The following GSG1L variants were observed in gnomAD, a reference collection of about 807,000 sequenced individuals.
GSG1L encodes GSG1 like, also known as germ cell-specific gene 1-like protein.
In GSG1L, 24 loss-of-function variants were observed where a neutral mutation model predicts 42.1. That is an observed-to-expected ratio of 0.57 (90% CI 0.41 to 0.80). The LOEUF is 0.80. Among genes scored for constraint, GSG1L ranks in the 30% least tolerant of loss-of-function variants. The pLI is 0.00. For missense variants in GSG1L, 445 were observed against 472.2 expected, an observed-to-expected ratio of 0.94 and a Z score of 0.53; for synonymous variants, 215 against 203.5, an observed-to-expected ratio of 1.06 and a Z score of -0.48.
At chr16:27,827,711 C>T (rs1442815988) in intron 5 of GSG1L, among the ~76,000 whole-genome samples, 1 of 152,176 alleles carries the variant, frequency 6.6e-6, no homozygotes, top group Non-Finnish European at 1.5e-5. Flanking sequence ...AGGATATCTC[C>T]AGCTTCTAAA....
At chr16:27,918,091 G>A (rs1361949350) in intron 2 of GSG1L, among the ~76,000 whole-genome samples, 3 of 152,104 alleles carry the variant, frequency 2.0e-5, no homozygotes, top group Non-Finnish European at 4.4e-5. Flanking sequence ...CAAATCCACT[G>A]GGCACAGCTC....
chr16:27,892,982 G>A (rs1353156259), intron 2 of GSG1L, among the ~76,000 whole-genome samples: 1 of 152,142 alleles, frequency 6.6e-6, no homozygotes, highest in African/African-American at 2.4e-5. Flanking sequence ...GCTCGCGGAA[G>A]GACAGGAAGT....
intron 2 of GSG1L, among the ~76,000 whole-genome samples, chr16:27,886,577 T>G (rs953493930): frequency 3.3e-5 from 5 of 152,232 alleles, no homozygotes; most frequent in African/African-American, 1.2e-4. Flanking sequence ...ACTATTACAA[T>G]TTTTTTAGAA....
In GSG1L at chr16:27,843,509, A is replaced by T. The variant is rs988138903; in HGVS notation, c.662+1441T>A. Among the ~76,000 whole-genome samples, 1,142 of 150,334 alleles carry T rather than the reference A, an allele frequency of 7.6e-3. 18 individuals are homozygous for T. The highest frequency in any genetic ancestry group is 0.027 in the African/African-American group (1,085 of 40,684). On this transcript the variant is annotated intron_variant, in intron 4 of 6. Transcript: ENST00000447459. ...GTGACAGAGCAGAGACTCTGTAAAA[A>T]AAAAAAAAAAAAAAAAAAAAGGAAG... is the stretch of plus-strand genomic sequence containing the variant.
intron 1 of GSG1L, among the ~76,000 whole-genome samples, chr16:27,972,574 T>C (rs1468944170): frequency 1.3e-5 from 2 of 152,242 alleles, no homozygotes; most frequent in South Asian, 2.1e-4. Context: ...TGTCTCTCAA[T>C]CACACTTCAG....
chr16:28,023,098 G>T (rs1281092878), intron 1 of GSG1L, among the ~76,000 whole-genome samples: 4 of 152,016 alleles, frequency 2.6e-5, no homozygotes, highest in Non-Finnish European at 5.9e-5. Context: ...CAAAATGCGG[G>T]GATTGTATGT....
At chr16:27,851,759 T>G (rs1469891569) in intron 3 of GSG1L, among the ~76,000 whole-genome samples, 3 of 152,218 alleles carry the variant, frequency 2.0e-5, no homozygotes, top group Non-Finnish European at 4.4e-5. Context: ...GAGAGACAAG[T>G]TGGCCTGGTG....
Position 27,947,858 on chromosome 16 carries a change from G to A in GSG1L, c.397+15298C>T, listed in dbSNP as rs191712153. On this transcript the variant is annotated intron_variant, in intron 2 of 6. Transcript: ENST00000447459. ...AATGGAGCAAGTGGGACCGGCTCTCGGAGCCCTTTGCACTCTGACATTCCA... is the reference window on the plus strand; with the variant it reads ...AATGGAGCAAGTGGGACCGGCTCTCAGAGCCCTTTGCACTCTGACATTCCA... Among the ~76,000 whole-genome samples, 63 of 152,170 alleles carry A rather than the reference G, an allele frequency of 4.1e-4. 1 individual carries two copies. The highest frequency in any genetic ancestry group is 2.1e-4 in the South Asian group (1 of 4,812).
At chr16:27,964,408 C>A (rs2085106259) in intron 1 of GSG1L, among the ~76,000 whole-genome samples, 1 of 151,956 alleles carries the variant, frequency 6.6e-6, no homozygotes, top group Non-Finnish European at 1.5e-5. Context: ...CTTGATGAGC[C>A]CCTTCCTAAA....
chr16:27,969,159 A>G (rs2085164999), intron 1 of GSG1L, among the ~76,000 whole-genome samples: 1 of 152,144 alleles, frequency 6.6e-6, no homozygotes, highest in African/African-American at 2.4e-5. Context: ...GTACAATTCA[A>G]TGGTTTTTAG....
At chr16:28,008,690 T>C (rs988899885) in intron 1 of GSG1L, among the ~76,000 whole-genome samples, 2 of 152,230 alleles carry the variant, frequency 1.3e-5, no homozygotes, top group East Asian at 3.8e-4. Context: ...ACCGAAGTCC[T>C]CACGGTGGCC....
At chr16:27,994,303 G>A (rs1174971585) in intron 1 of GSG1L, among the ~76,000 whole-genome samples, 3 of 151,838 alleles carry the variant, frequency 2.0e-5, no homozygotes, top group African/African-American at 7.3e-5. Context: ...CCCTTGGGGG[G>A]GTTCAGAATG....
chr16:27,840,289 G>A (rs188144730), intron 4 of GSG1L, among the ~76,000 whole-genome samples: 12 of 152,032 alleles, frequency 7.9e-5, no homozygotes, highest in Admixed American at 7.9e-4. Context: ...CTCCCACCTT[G>A]GCCTCCCAAG....
At chr16:27,838,295 G>C (rs1167630871) in intron 4 of GSG1L, among the ~76,000 whole-genome samples, 1 of 152,186 alleles carries the variant, frequency 6.6e-6, no homozygotes, top group Non-Finnish European at 1.5e-5. Flanking sequence ...ACACTGCTCT[G>C]GTTTTAGCAT....
chr16:27,897,053 A>G (rs922349980), intron 2 of GSG1L, among the ~76,000 whole-genome samples: 5 of 152,146 alleles, frequency 3.3e-5, no homozygotes, highest in Non-Finnish European at 2.9e-5. Flanking sequence ...TAGCAGAGAC[A>G]GTGTTTCACC....
At chr16:27,824,777 G>A (rs749162182) in intron 5 of GSG1L, among the ~76,000 whole-genome samples, 9 of 152,208 alleles carry the variant, frequency 5.9e-5, no homozygotes, top group South Asian at 4.1e-4. Flanking sequence ...GATGGGGTAC[G>A]GAGAGGTCTT....
intron 5 of GSG1L, among the ~76,000 whole-genome samples, chr16:27,815,142 G>C (rs956333235): frequency 6.6e-6 from 1 of 152,156 alleles, no homozygotes; most frequent in South Asian, 2.1e-4. Flanking sequence ...AACATCCACT[G>C]ATATGGTTTG....
At chr16:28,043,885 G>A (rs192241913) in intron 1 of GSG1L, among the ~76,000 whole-genome samples, 1 of 152,196 alleles carries the variant, frequency 6.6e-6, no homozygotes, top group African/African-American at 2.4e-5. Context: ...AGCAGGGCAT[G>A]GTGGCACATG....
chr16:27,964,752 A>G (rs1046909520), intron 1 of GSG1L, among the ~76,000 whole-genome samples: 13 of 152,272 alleles, frequency 8.5e-5, no homozygotes, highest in South Asian at 8.3e-4. Context: ...TAGAGAGTAG[A>G]AGGATGGTTA....
Sources: allele counts gnomAD v4.1 joint callset (sites outside exome capture counted in the v4.1 genomes callset), GRCh38; gene constraint gnomAD v4.1.1; transcripts MANE v1.5; gene names NCBI Gene and HGNC (gene_info 2026-07-23, HGNC 2026-07-21).